RANBP2: variants seen among roughly 807,000 people sequenced by gnomAD.
RANBP2 encodes E3 SUMO-protein ligase RanBP2.
A neutral mutation model predicts 303.6 loss-of-function variants in RANBP2; 57 were observed. The ratio of observed to expected loss-of-function variants is 0.19; its 90% CI spans 0.15 to 0.23. The LOEUF (loss-of-function observed/expected upper bound fraction) is 0.23, where lower values mean the gene tolerates loss of function less well. RANBP2 is among the 10% of genes least tolerant of loss of function. RANBP2 has a pLI of 1.00. For synonymous variants in RANBP2, 1,167 were observed against 1,301.5 expected (o/e 0.90, Z 2.23); for missense variants, 3,138 against 3,780.8 (o/e 0.83, Z 4.46).
chr2:109,332,346 G>A, the RANBP2 span, among the ~76,000 whole-genome samples: 2 of 152,232 alleles, frequency 1.3e-5, no homozygotes, highest in African/African-American at 2.4e-5. Flanking sequence ...GCGCCCAGGG[G>A]TGCTGCACTT....
chr2:108,771,178 G>C (rs192728119), intron 20 of RANBP2, among the ~76,000 whole-genome samples: 1 of 150,722 alleles, frequency 6.6e-6, no homozygotes, highest in East Asian at 1.9e-4. Flanking sequence ...TATCATGCTT[G>C]AACATAGGCA....
chr2:109,100,690 C>T, the RANBP2 span, among the ~76,000 whole-genome samples: 1 of 151,104 alleles, frequency 6.6e-6, no homozygotes, highest in Non-Finnish European at 1.5e-5. Flanking sequence ...AAGGACCTCA[C>T]AAATAAATTT....
chr2:109,611,310 C>G, the RANBP2 span, among the ~76,000 whole-genome samples: 1 of 152,092 alleles, frequency 6.6e-6, no homozygotes, highest in South Asian at 2.1e-4. Flanking sequence ...AAAGCACAAT[C>G]CATAAAAGGA....
the RANBP2 span, among the ~76,000 whole-genome samples, chr2:109,726,486 G>T: frequency 6.6e-6 from 1 of 152,002 alleles, no homozygotes; most frequent in Non-Finnish European, 1.5e-5. Flanking sequence ...GCCCCCTCCA[G>T]GATCCCTTTG....
the RANBP2 span, among the ~76,000 whole-genome samples, chr2:109,357,403 G>A: frequency 1.2e-4 from 18 of 152,102 alleles, no homozygotes; most frequent in South Asian, 2.1e-4. Flanking sequence ...GGATGGTCTC[G>A]ATCTCCTGAC....
chr2:109,671,835 T>G, the RANBP2 span, among the ~76,000 whole-genome samples: 1 of 152,162 alleles, frequency 6.6e-6, no homozygotes, highest in Non-Finnish European at 1.5e-5. Context: ...TTGGACTTTT[T>G]CAAATTTCAT....
At position 108,754,756 on chromosome 2, in the gene RANBP2, TA is replaced by T. The variant is rs1376298537; in HGVS notation, c.2203-143del. ...ACAACAGAAAAAGAAAAAAGATAATTAAAAAACACTTTCACGTGTATTATTT... is the reference window on the plus strand; with the variant it reads ...ACAACAGAAAAAGAAAAAAGATAATTAAAAACACTTTCACGTGTATTATTT... On this transcript the variant is annotated intron_variant, in intron 15 of 28. Coordinates refer to ENST00000283195, the MANE Select transcript of RANBP2 (RefSeq NM_006267.5). 1.9e-4 allele frequency: 235 copies of T among 1,233,686 alleles called. 3 individuals are homozygous for T. In the South Asian group the frequency reaches 2.7e-3, roughly 14 times the overall value. The allele number at this position is 1,233,686 out of a possible 1,614,324, so 76.4% of individuals were successfully genotyped here. A position where few individuals can be genotyped will look rare whatever the true frequency, so the allele number is the denominator to read the frequency against.
chr2:108,846,691 A>G, the RANBP2 span: 1 of 1,518,104 alleles, frequency 6.6e-7, no homozygotes, highest in Non-Finnish European at 9.0e-7. Flanking sequence ...AAAAAGATAT[A>G]TTCTGAACAT....
the RANBP2 span, among the ~76,000 whole-genome samples, chr2:109,429,035 C>T: frequency 1.3e-5 from 2 of 152,186 alleles, no homozygotes; most frequent in South Asian, 2.1e-4. Context: ...AACTCACAGA[C>T]GTTGGTGAGA....
downstream of RANBP2, among the ~76,000 whole-genome samples, chr2:108,787,793 T>C (rs1679156325): frequency 6.6e-6 from 1 of 152,080 alleles, no homozygotes; most frequent in African/African-American, 2.4e-5. Flanking sequence ...CTTCGTTAGA[T>C]TGATTATGCA....
In RANBP2 at chr2:108,749,672, A is replaced by G. The variant is rs1446613864; in HGVS notation, c.1273+543A>G. ...AGTGGCATGATCGTAGGTCACTGATACCTTGAACTTCTGGGCTCAAGGGAT... is the reference window on the plus strand; with the variant it reads ...AGTGGCATGATCGTAGGTCACTGATGCCTTGAACTTCTGGGCTCAAGGGAT... On this transcript the variant is annotated intron_variant, in intron 9 of 28. Transcript: ENST00000283195. Among the ~76,000 whole-genome samples the G allele has an allele frequency of 4.6e-5, 7 of 152,086 alleles. No individual in the cohort carries two copies. In the South Asian group the frequency reaches 1.0e-3, roughly 23 times the overall value.
chr2:109,658,142 A>T, the RANBP2 span, among the ~76,000 whole-genome samples: 1 of 151,940 alleles, frequency 6.6e-6, no homozygotes, highest in East Asian at 2.0e-4. Context: ...CAATTTAATG[A>T]TTTCATTCTT....
intron 8 of RANBP2, 53 bp from the exon 9 acceptor site, chr2:108,748,867 A>G (rs1195826262): frequency 1.2e-6 from 2 of 1,611,782 alleles, no homozygotes; most frequent in African/African-American, 2.7e-5. Flanking sequence ...CAACGTGAGC[A>G]AATACAATCT....
the RANBP2 span, chr2:109,545,693 C>A: frequency 6.8e-7 from 1 of 1,462,166 alleles, no homozygotes; most frequent in South Asian, 1.4e-5. Flanking sequence ...TTCAAAATAA[C>A]TCATGGTAGG....
the RANBP2 span, among the ~76,000 whole-genome samples, chr2:109,571,210 C>G: frequency 6.6e-6 from 1 of 152,230 alleles, no homozygotes; most frequent in African/African-American, 2.4e-5. Context: ...GCCTAAGGAA[C>G]TGTAAGTCAA....
the RANBP2 span, among the ~76,000 whole-genome samples, chr2:109,192,632 A>G: frequency 6.6e-6 from 1 of 152,208 alleles, no homozygotes; most frequent in East Asian, 1.9e-4. Flanking sequence ...AAGTAAATAT[A>G]CAGAAGGTAA....
the RANBP2 span, among the ~76,000 whole-genome samples, chr2:108,976,003 T>C: frequency 4.4e-3 from 663 of 152,286 alleles, 10 homozygotes; most frequent in African/African-American, 0.015. Context: ...CCCACACCAG[T>C]TTTCCTTTTA....
chr2:109,094,655 C>A, the RANBP2 span, among the ~76,000 whole-genome samples: 4 of 152,132 alleles, frequency 2.6e-5, no homozygotes, highest in Non-Finnish European at 5.9e-5. Context: ...CATGACGAAA[C>A]CCTGTCTCTA....
intron 28 of RANBP2, 34 bp downstream of exon 28, chr2:108,782,896 T>G (rs1335754611): frequency 6.5e-7 from 1 of 1,540,492 alleles, no homozygotes; most frequent in Non-Finnish European, 8.9e-7. Context: ...ACAATTGAGG[T>G]CTTGAAGAGT....
Sources: allele counts gnomAD v4.1 joint callset (sites outside exome capture counted in the v4.1 genomes callset), GRCh38; gene constraint gnomAD v4.1.1; transcripts MANE v1.5; gene names NCBI Gene and HGNC (gene_info 2026-07-23, HGNC 2026-07-21).